HELLS: variants seen among roughly 807,000 people sequenced by gnomAD.
HELLS encodes the protein lymphoid-specific helicase.
Under a neutral mutation model 120.0 loss-of-function variants are expected in HELLS, and 32 were observed. The ratio of observed to expected loss-of-function variants is 0.27; its 90% CI spans 0.20 to 0.36. HELLS has a LOEUF of 0.36. Ranked by LOEUF, HELLS falls within the 10% of genes least tolerant of loss-of-function variation. The pLI is 1.00. For missense variants in HELLS, 650 were observed against 993.4 expected (o/e 0.65, Z 4.65); for synonymous variants, 341 against 323.4 (o/e 1.05, Z -0.58).
intron 10 of HELLS, among the ~76,000 whole-genome samples, chr10:94,580,615 C>G (rs1429969657): frequency 6.6e-6 from 1 of 152,122 alleles, no homozygotes; most frequent in Admixed American, 6.5e-5. Flanking sequence ...AGATACAGTA[C>G]TATAAACTTT....
At chr10:94,604,146 A>G (rs1252338562), downstream of HELLS, among the ~76,000 whole-genome samples, 3 of 133,456 alleles carry the variant, frequency 2.2e-5, no homozygotes, top group Non-Finnish European at 3.2e-5. Flanking sequence ...TTTTTTTTAT[A>G]AACAGTTTCA....
chr10:94,603,551 C>T (rs1193572703), downstream of HELLS, among the ~76,000 whole-genome samples: 1 of 152,188 alleles, frequency 6.6e-6, no homozygotes, highest in African/African-American at 2.4e-5. Context: ...TTAATGGGAA[C>T]TGTGCTGGTG....
At chr10:94,546,572 G>A (rs1463737224) in intron 2 of HELLS, 74 bp downstream of exon 2, 10 of 1,558,800 alleles carry the variant, frequency 6.4e-6, no homozygotes, top group Non-Finnish European at 7.9e-6. Flanking sequence ...TGTGGTTTGT[G>A]TTCTTTGCTT....
At chr10:94,577,891 C>G (rs1844584136) in intron 10 of HELLS, among the ~76,000 whole-genome samples, 1 of 152,016 alleles carries the variant, frequency 6.6e-6, no homozygotes, top group Non-Finnish European at 1.5e-5. Flanking sequence ...GAAACCCCGT[C>G]TCTACTAAAA....
intron 2 of HELLS, among the ~76,000 whole-genome samples, chr10:94,547,893 G>T (rs1386889143): frequency 6.6e-6 from 1 of 152,066 alleles, no homozygotes; most frequent in African/African-American, 2.4e-5. Flanking sequence ...GATGATCTCT[G>T]GTTGACTATA....
intron 6 of HELLS, among the ~76,000 whole-genome samples, chr10:94,563,079 A>G (rs1843631766): frequency 6.6e-6 from 1 of 151,882 alleles, no homozygotes; most frequent in Admixed American, 6.6e-5. Context: ...CTAATCTGAA[A>G]CTAATGTCAT....
intron 13 of HELLS, among the ~76,000 whole-genome samples, chr10:94,588,872 C>T (rs1009521034): frequency 6.6e-6 from 1 of 152,092 alleles, no homozygotes; most frequent in African/African-American, 2.4e-5. Flanking sequence ...TTAGGCCAGG[C>T]ACGGTGGCTC....
intron 10 of HELLS, 43 bp from the exon 11 acceptor site, chr10:94,581,283 G>A (rs1844854714): frequency 1.6e-6 from 2 of 1,224,102 alleles, no homozygotes; most frequent in East Asian, 2.4e-5. Context: ...GAAAAATTGT[G>A]AGATCATTGT....
chr10:94,565,193 T>C lies in HELLS; in HGVS notation c.435+2317T>C, dbSNP rs539539498. On this transcript the variant is annotated intron_variant, in intron 6 of 21. Coordinates refer to ENST00000348459, the MANE Select transcript of HELLS (RefSeq NM_018063.5). ...CTCTACTAAAAATATAAAAATTAGCTGGGAATGGTGGCTTGCGCCTGTAGT... is the reference window on the plus strand; with the variant it reads ...CTCTACTAAAAATATAAAAATTAGCCGGGAATGGTGGCTTGCGCCTGTAGT... Among the ~76,000 whole-genome samples, 3 of 152,192 alleles carry C rather than the reference T, an allele frequency of 2.0e-5. No homozygotes were observed. In the East Asian group the frequency reaches 5.8e-4, roughly 29 times the overall value.
chr10:94,573,798 G>C (rs1844300764), intron 7 of HELLS, among the ~76,000 whole-genome samples, 162 bp from the exon 8 acceptor site: 1 of 151,836 alleles, frequency 6.6e-6, no homozygotes, highest in Non-Finnish European at 1.5e-5. Context: ...CATTTGTAGA[G>C]GGATGGCGAT....
chr10:94,589,786 A>G (rs1366251630), intron 13 of HELLS, among the ~76,000 whole-genome samples: 1 of 144,050 alleles, frequency 6.9e-6, no homozygotes, highest in Non-Finnish European at 1.5e-5. Flanking sequence ...TCCCGGGTTC[A>G]TGCCATTCTC....
intron 15 of HELLS, among the ~76,000 whole-genome samples, chr10:94,591,659 C>A (rs1295927072): frequency 6.6e-6 from 1 of 152,126 alleles, no homozygotes; most frequent in African/African-American, 2.4e-5. Flanking sequence ...GCCAAATATA[C>A]CCTGGGGATA....
chr10:94,591,176 A>T (rs1429793891), intron 15 of HELLS, among the ~76,000 whole-genome samples: 1 of 152,128 alleles, frequency 6.6e-6, no homozygotes, highest in Non-Finnish European at 1.5e-5. Context: ...TATGTGAACA[A>T]CTAAGAATTC....
chr10:94,606,500 C>T (rs1291478316), downstream of HELLS, among the ~76,000 whole-genome samples: 1 of 150,928 alleles, frequency 6.6e-6, no homozygotes, highest in Admixed American at 6.6e-5. Context: ...TGACACTATG[C>T]CCAGATAATT....
chr10:94,595,650 G>A (rs777997080), intron 19 of HELLS, among the ~76,000 whole-genome samples: 9 of 152,096 alleles, frequency 5.9e-5, no homozygotes, highest in Non-Finnish European at 1.3e-4. Context: ...TTCTGAGGAG[G>A]TGGGGAACTG....
exon 10 of HELLS, chr10:94,610,909 A>G (rs781681167): frequency 5.3e-5 from 8 of 152,214 alleles, no homozygotes; most frequent in Admixed American, 3.9e-4. Context: ...ATGTTTTAAT[A>G]GTAAGATAAA....
At chr10:94,593,397 T>C (rs1845586324) in intron 17 of HELLS, 102 bp from the exon 18 acceptor site, 3 of 689,798 alleles carry the variant, frequency 4.3e-6, no homozygotes, top group Admixed American at 2.5e-5. Context: ...TTGGCCTCCT[T>C]TGTTTAAGTC....
At chr10:94,586,774 C>T (rs1178457211) in intron 12 of HELLS, among the ~76,000 whole-genome samples, 1 of 152,090 alleles carries the variant, frequency 6.6e-6, no homozygotes. Flanking sequence ...TCACTGCAAC[C>T]TCTGTCTCCC....
chr10:94,590,380 A>G, intron 13 of HELLS, 33 bp from the exon 14 acceptor site: 1 of 1,573,624 alleles, frequency 6.4e-7, no homozygotes, highest in South Asian at 1.2e-5. Flanking sequence ...ATAGCTTTAT[A>G]AACTGAATTT....
Sources: allele counts gnomAD v4.1 joint callset (sites outside exome capture counted in the v4.1 genomes callset), GRCh38; gene constraint gnomAD v4.1.1; transcripts MANE v1.5; gene names NCBI Gene and HGNC (gene_info 2026-07-23, HGNC 2026-07-21).